The following ANKRD17 variants were observed in gnomAD, a reference collection of about 807,000 sequenced individuals.
ANKRD17 encodes ankyrin repeat domain-containing protein 17.
A neutral mutation model predicts 229.7 loss-of-function variants in ANKRD17; 19 were observed. That is an observed-to-expected ratio of 0.08 (90% CI 0.06 to 0.12). The LOEUF is 0.12. Ranked by LOEUF, ANKRD17 falls within the 10% of genes least tolerant of loss-of-function variation. The pLI, the probability that ANKRD17 is intolerant of heterozygous loss-of-function variation, is 1.00. For synonymous variants in ANKRD17, 1,112 were observed against 1,146.1 expected (o/e 0.97, Z 0.60); for missense variants, 2,176 against 3,176.8 (o/e 0.68, Z 7.57).
At chr4:73,242,739 G>A (rs369781900) in intron 1 of ANKRD17, among the ~76,000 whole-genome samples, 2 of 152,266 alleles carry the variant, frequency 1.3e-5, no homozygotes, top group South Asian at 4.1e-4. Flanking sequence ...TCAATGACTT[G>A]TGGCTTATAA....
At chr4:73,168,868 A>T (rs951171072) in intron 2 of ANKRD17, 1 of 152,310 alleles carries the variant, frequency 6.6e-6, no homozygotes, top group Non-Finnish European at 1.5e-5. Context: ...TTCAGGGTAC[A>T]GATTATTTCA....
At chr4:73,124,288 GAA>G (rs59284237) in intron 18 of ANKRD17, among the ~76,000 whole-genome samples, 8 of 96,220 alleles carry the variant, frequency 8.3e-5, no homozygotes, top group African/African-American at 3.7e-4. Context: ...GACTGAATTT[GAA>G]AAAAAAAAAA....
At chr4:73,127,749 C>G (rs1727664899) in intron 16 of ANKRD17, among the ~76,000 whole-genome samples, 1 of 152,068 alleles carries the variant, frequency 6.6e-6, no homozygotes, top group Non-Finnish European at 1.5e-5. Context: ...AAGCAAGGGA[C>G]TATATATGTA....
intron 2 of ANKRD17, among the ~76,000 whole-genome samples, chr4:73,170,331 G>T (rs181486465): frequency 3.3e-5 from 5 of 152,076 alleles, no homozygotes; most frequent in African/African-American, 7.2e-5. Flanking sequence ...GTGCCAGAAG[G>T]GAACCTGCTC....
intron 25 of ANKRD17, among the ~76,000 whole-genome samples, chr4:73,101,598 G>A (rs1723993633): frequency 6.9e-6 from 1 of 145,224 alleles, no homozygotes; most frequent in African/African-American, 2.6e-5. Flanking sequence ...CCGGGAAACG[G>A]AGGTTGCAGT....
rs769581582 is a variant in ANKRD17 at position 73,092,228 on chromosome 4, A to G, written c.5400T>C (p.Ile1800=). 1 of 1,614,198 alleles carries G rather than the reference A, an allele frequency of 6.2e-7. No homozygotes were observed. Among genetic ancestry groups the G allele is most frequent in the Non-Finnish European group, 8.5e-7 (1 of 1,180,034 alleles). Residue 1800 remains isoleucine (I), a synonymous_variant, in exon 29 of 34, where the codon ATT becomes ATC. Transcript: ENST00000358602. Reference sequence around the variant, plus strand: ...AACGATTCTTTGGAATAAGTTCATCAATTTCTTTGTCTGGATCCTTGATCA... The same window carrying G: ...AACGATTCTTTGGAATAAGTTCATCGATTTCTTTGTCTGGATCCTTGATCA... ...NALIKDPDKE[I]DELIPKNRLK...
intron 2 of ANKRD17, among the ~76,000 whole-genome samples, chr4:73,168,322 T>C (rs1008393998): frequency 1.3e-5 from 2 of 152,328 alleles, no homozygotes; most frequent in South Asian, 4.1e-4. Flanking sequence ...GTGTTCATAG[T>C]GTATTTATGT....
intron 1 of ANKRD17, among the ~76,000 whole-genome samples, chr4:73,197,905 T>C (rs942871492): frequency 2.6e-5 from 4 of 152,204 alleles, no homozygotes; most frequent in Non-Finnish European, 5.9e-5. Flanking sequence ...ATTAAATATA[T>C]GTTTTTGGCT....
chr4:73,133,962 A>G (rs1196955837), intron 16 of ANKRD17, among the ~76,000 whole-genome samples: 2 of 152,230 alleles, frequency 1.3e-5, no homozygotes, highest in East Asian at 3.8e-4. Flanking sequence ...TGTCTTCTTC[A>G]GGGAGATGGA....
rs1000607494 is a variant in ANKRD17 at position 73,189,673 on chromosome 4, T to C, written c.394-12140A>G. Reference sequence around the variant, plus strand: ...CTTTCGTTCTTCAGGTCTTAGCTTATGTTTTACTTACTCAGATGATACTAT... The same window carrying C: ...CTTTCGTTCTTCAGGTCTTAGCTTACGTTTTACTTACTCAGATGATACTAT... On this transcript the variant is annotated intron_variant, in intron 1 of 33. Coordinates refer to ENST00000358602, the MANE Select transcript of ANKRD17 (RefSeq NM_032217.5). 7.2e-5 allele frequency among the ~76,000 whole-genome samples: 11 copies of C among 152,344 alleles called. No individual in the cohort carries two copies. In the Middle Eastern group the frequency reaches 0.01, roughly 141 times the overall value.
At chr4:73,177,764 A>G (rs1205851111) in intron 1 of ANKRD17, among the ~76,000 whole-genome samples, 2 of 152,172 alleles carry the variant, frequency 1.3e-5, no homozygotes, top group African/African-American at 4.8e-5. Flanking sequence ...TATGCAGCCT[A>G]ATTTTCTTTA....
At chr4:73,211,341 A>C (rs1740225172) in intron 1 of ANKRD17, among the ~76,000 whole-genome samples, 2 of 152,208 alleles carry the variant, frequency 1.3e-5, no homozygotes, top group Admixed American at 6.5e-5. Flanking sequence ...ATGTAAAGGC[A>C]AACGGTTGAG....
intron 1 of ANKRD17, among the ~76,000 whole-genome samples, chr4:73,247,634 TAAG>T (rs751712798): frequency 1.3e-5 from 2 of 151,978 alleles, no homozygotes; most frequent in Non-Finnish European, 2.9e-5. Flanking sequence ...GCATTTACTC[TAAG>T]AATGGAATAA....
In ANKRD17 at chr4:73,135,226, G is replaced by A. The variant is rs142524676; in HGVS notation, c.3125C>T (p.Thr1042Ile). 12 of 1,613,446 alleles carry A rather than the reference G, an allele frequency of 7.4e-6. No individual in the cohort carries two copies. In the African/African-American group the frequency reaches 1.5e-4, roughly 20 times the overall value. ...GRASAMSNTP[T>I]HSIAASISQP... ...GGAAATGGATGCAGCAATACTGTGG[G>A]TAGGAGTGTTTGACATTGCAGATGC... Residue 1042 changes from threonine (T) to isoleucine (I), a missense_variant, in exon 16 of 34, where the codon ACC becomes ATC. Physicochemically the swap from Thr to Ile is moderately conservative, Grantham distance 89. Around this residue, in one of 18 missense-constraint regions of ANKRD17, gnomAD observed 230 missense variants for 252.3 expected, o/e 0.91. Coordinates refer to ENST00000358602, the MANE Select transcript of ANKRD17 (RefSeq NM_032217.5).
At chr4:73,213,162 G>T (rs1740545173) in intron 1 of ANKRD17, among the ~76,000 whole-genome samples, 1 of 152,052 alleles carries the variant, frequency 6.6e-6, no homozygotes, top group African/African-American at 2.4e-5. Flanking sequence ...ATATATGTTG[G>T]TCTTATGATG....
chr4:73,099,073 G>A, intron 25 of ANKRD17: 1 of 914,314 alleles, frequency 1.1e-6, no homozygotes, highest in East Asian at 2.5e-5. Flanking sequence ...GGAAACCAAG[G>A]GGCAGACCCA....
At chr4:73,174,540 T>C (rs911126400) in intron 2 of ANKRD17, among the ~76,000 whole-genome samples, 3 of 152,030 alleles carry the variant, frequency 2.0e-5, no homozygotes, top group African/African-American at 7.2e-5. Flanking sequence ...GGATGCCCAC[T>C]TTCACTATTT....
intron 24 of ANKRD17, among the ~76,000 whole-genome samples, chr4:73,111,599 C>G (rs966118856): frequency 6.6e-6 from 1 of 152,038 alleles, no homozygotes; most frequent in South Asian, 2.1e-4. Flanking sequence ...ATAAAAGGAG[C>G]AAAATATTTA....
At position 73,121,155 on chromosome 4, in the gene ANKRD17, T is replaced by A. The variant is rs528978148; in HGVS notation, c.3636-61A>T. 203 of 1,340,724 alleles carry A rather than the reference T, an allele frequency of 1.5e-4. 7 individuals carry two copies. The South Asian group carries it at 2.4e-3, about 16-fold the overall frequency. 83.1% of individuals were successfully genotyped at this position (1,340,724 alleles called of 1,614,324 possible). The stretch of plus-strand genomic sequence containing the variant: ...ATATATATTTTAAATGACAGAAAAA[T>A]TGGAGATGATATATAATTCTAATCT... On this transcript the variant is annotated intron_variant, in intron 19 of 33. Coordinates refer to ENST00000358602, the MANE Select transcript of ANKRD17 (RefSeq NM_032217.5).
Sources: gnomAD v4.1 joint callset for allele counts (sites outside exome capture counted in the v4.1 genomes callset) on GRCh38, gnomAD v4.1.1 for gene constraint, gnomAD v4.1.1 regional missense constraint, MANE v1.5 for transcripts, NCBI Gene and HGNC (gene_info 2026-07-23, HGNC 2026-07-21) for gene names.